The following GRID2 variants were observed in gnomAD, a reference collection of about 807,000 sequenced individuals.
The protein encoded by GRID2 is glutamate ionotropic receptor delta type subunit 2.
In GRID2, 33 loss-of-function variants were observed where a neutral mutation model predicts 114.8. The ratio of observed to expected loss-of-function variants is 0.29; its 90% CI spans 0.22 to 0.38. GRID2 has a LOEUF of 0.38. GRID2 is among the 10% of genes least tolerant of loss of function. The pLI is 1.00. For synonymous variants in GRID2, 505 were observed against 449.9 expected (o/e 1.12, Z -1.55); for missense variants, 1,184 against 1,257.7 (o/e 0.94, Z 0.89).
At chr4:92,345,031 A>G (rs1727694502) in intron 1 of GRID2, among the ~76,000 whole-genome samples, 1 of 151,892 alleles carries the variant, frequency 6.6e-6, no homozygotes, top group Non-Finnish European at 1.5e-5. Context: ...TTTATCCCTC[A>G]CCCTCCTTTC....
At chr4:92,305,855 C>A (rs1192975468) in intron 1 of GRID2, among the ~76,000 whole-genome samples, 1 of 152,140 alleles carries the variant, frequency 6.6e-6, no homozygotes, top group Non-Finnish European at 1.5e-5. Flanking sequence ...ATTCGCTTAC[C>A]GAGCCAGCAA....
intron 13 of GRID2, among the ~76,000 whole-genome samples, chr4:93,590,627 T>G (rs1158944509): frequency 6.6e-6 from 1 of 152,200 alleles, no homozygotes; most frequent in Admixed American, 6.5e-5. Context: ...TAGCATTGAA[T>G]CTGTAAATTA....
chr4:93,149,119 G>A (rs1579120716), intron 4 of GRID2, among the ~76,000 whole-genome samples: 3 of 152,192 alleles, frequency 2.0e-5, no homozygotes, highest in South Asian at 2.1e-4. Context: ...AGCAGATCCC[G>A]TGTGACGCTG....
chr4:93,110,693 C>A, intron 3 of GRID2, 55 bp from the exon 4 acceptor site: 1 of 1,147,368 alleles, frequency 8.7e-7, no homozygotes, highest in Non-Finnish European at 1.3e-6. Context: ...ATAGCTTATG[C>A]CTTCCTTCTG....
At chr4:93,296,253 C>A (rs1754298821) in intron 8 of GRID2, among the ~76,000 whole-genome samples, 1 of 152,150 alleles carries the variant, frequency 6.6e-6, no homozygotes, top group African/African-American at 2.4e-5. Flanking sequence ...CAAATCTCAT[C>A]TACCTCCCTC....
chr4:93,222,175 A>T (rs1163248416), intron 6 of GRID2, among the ~76,000 whole-genome samples: 2 of 152,198 alleles, frequency 1.3e-5, no homozygotes, highest in Non-Finnish European at 2.9e-5. Flanking sequence ...GAAAAGATGT[A>T]CAGTATGAGT....
At chr4:92,381,016 T>C (rs1302901789) in intron 1 of GRID2, among the ~76,000 whole-genome samples, 1 of 152,010 alleles carries the variant, frequency 6.6e-6, no homozygotes, top group Non-Finnish European at 1.5e-5. Context: ...CCTCCAATAT[T>C]ATTTTTTCCA....
At chr4:92,980,079 G>C (rs944188687) in intron 2 of GRID2, among the ~76,000 whole-genome samples, 1 of 152,058 alleles carries the variant, frequency 6.6e-6, no homozygotes, top group Admixed American at 6.6e-5. Context: ...TAATAATAAT[G>C]TGTGGACTTT....
intron 13 of GRID2, among the ~76,000 whole-genome samples, chr4:93,531,797 C>T (rs1369465): frequency 0.77 from 117,579 of 151,962 alleles, 46,379 homozygotes; most frequent in African/African-American, 0.93. Flanking sequence ...TATTACAATA[C>T]ATTATGTTCA....
chr4:92,484,621 AAAG>A lies in GRID2; in HGVS notation c.89-105504_89-105502del, dbSNP rs371093708. 6.4e-3 allele frequency among the ~76,000 whole-genome samples: 979 copies of A among 152,204 alleles called. 9 individuals are homozygous for A. Among genetic ancestry groups the A allele is most frequent in the African/African-American group, 0.022 (896 of 41,548 alleles). On this transcript the variant is annotated intron_variant, in intron 1 of 15. Coordinates refer to ENST00000282020, the MANE Select transcript of GRID2 (RefSeq NM_001510.4). ...ATATTTTATATAATACTTGTTGAATAAAGAAGAATATGGCATAAAATTGAAGCA... is the reference window on the plus strand; with the variant it reads ...ATATTTTATATAATACTTGTTGAATAAAGAATATGGCATAAAATTGAAGCA...
At chr4:93,757,991 C>T (rs1034863218) in intron 14 of GRID2, among the ~76,000 whole-genome samples, 2 of 151,988 alleles carry the variant, frequency 1.3e-5, no homozygotes, top group Non-Finnish European at 2.9e-5. Flanking sequence ...GAAAAAGGAA[C>T]CTCATAGCGT....
chr4:92,376,593 G>A (rs780468132), intron 1 of GRID2, among the ~76,000 whole-genome samples: 1 of 152,092 alleles, frequency 6.6e-6, no homozygotes, highest in Non-Finnish European at 1.5e-5. Context: ...ACTCTGTGTG[G>A]GGGCTCTGAC....
chr4:93,368,013 A>G (rs1560545990), intron 8 of GRID2, among the ~76,000 whole-genome samples: 1 of 152,214 alleles, frequency 6.6e-6, no homozygotes, highest in Non-Finnish European at 1.5e-5. Flanking sequence ...ATATAATTTT[A>G]CTTAAAGAGT....
chr4:93,380,926 G>A (rs1763794560), intron 8 of GRID2, among the ~76,000 whole-genome samples: 1 of 152,082 alleles, frequency 6.6e-6, no homozygotes, highest in African/African-American at 2.4e-5. Flanking sequence ...ATTAGGGTAA[G>A]AGGATTGAAG....
At chr4:93,253,138 C>A (rs1475984938) in intron 8 of GRID2, among the ~76,000 whole-genome samples, 2 of 150,516 alleles carry the variant, frequency 1.3e-5, no homozygotes, top group Non-Finnish European at 3.0e-5. Context: ...TGCCTGTAGT[C>A]CCAGCTACTC....
intron 8 of GRID2, among the ~76,000 whole-genome samples, chr4:93,269,665 G>T (rs1186644874): frequency 6.6e-6 from 1 of 152,172 alleles, no homozygotes; most frequent in Non-Finnish European, 1.5e-5. Flanking sequence ...TTACTAATTA[G>T]CTCCCTTTGG....
At chr4:92,351,068 T>C (rs1728045723) in intron 1 of GRID2, among the ~76,000 whole-genome samples, 1 of 151,942 alleles carries the variant, frequency 6.6e-6, no homozygotes, top group South Asian at 2.1e-4. Flanking sequence ...TTGTTATCCA[T>C]TCATCAGTTG....
At chr4:92,975,724 C>T (rs968215869) in intron 2 of GRID2, among the ~76,000 whole-genome samples, 17 of 152,000 alleles carry the variant, frequency 1.1e-4, no homozygotes, top group Admixed American at 4.6e-4. Flanking sequence ...AGCACAGCAG[C>T]ATATCAAGAA....
At chr4:93,127,061 A>T (rs1298617259) in intron 4 of GRID2, among the ~76,000 whole-genome samples, 1 of 152,150 alleles carries the variant, frequency 6.6e-6, no homozygotes, top group Non-Finnish European at 1.5e-5. Context: ...TCCTCAAAAA[A>T]CCCAATGGCA....
Sources: gnomAD v4.1 joint callset for allele counts (sites outside exome capture counted in the v4.1 genomes callset) on GRCh38, gnomAD v4.1.1 for gene constraint, MANE v1.5 for transcripts, NCBI Gene and HGNC (gene_info 2026-07-23, HGNC 2026-07-21) for gene names.